Variants in GNA14 observed in about 807,000 individuals in gnomAD.
GNA14 encodes the protein guanine nucleotide-binding protein subunit alpha-14.
Under a neutral mutation model 42.0 loss-of-function variants are expected in GNA14, and 50 were observed. The observed-to-expected ratio is 1.19, with a 90% CI of 0.95 to 1.51. GNA14 has a LOEUF of 1.51. Among genes scored for constraint, GNA14 ranks in the 40% most tolerant of loss-of-function variants. GNA14 has a pLI of 0.00. For synonymous variants in GNA14, 173 were observed against 163.1 expected, an observed-to-expected ratio of 1.06 and a Z score of -0.46; for missense variants, 473 against 446.2, an observed-to-expected ratio of 1.06 and a Z score of -0.54.
At chr9:77,480,204 T>C (rs1191758793) in intron 2 of GNA14, among the ~76,000 whole-genome samples, 1 of 152,186 alleles carries the variant, frequency 6.6e-6, no homozygotes, top group Non-Finnish European at 1.5e-5. Flanking sequence ...AGATAGCTCT[T>C]ATTATTTTGA....
At chr9:77,626,475 G>A (rs577283264) in intron 1 of GNA14, among the ~76,000 whole-genome samples, 5 of 152,074 alleles carry the variant, frequency 3.3e-5, no homozygotes, top group South Asian at 2.1e-4. Flanking sequence ...AAAATTGACC[G>A]CATCATTGGA....
chr9:77,436,007 T>C (rs1410095393), intron 2 of GNA14, among the ~76,000 whole-genome samples: 2 of 152,190 alleles, frequency 1.3e-5, no homozygotes, highest in Non-Finnish European at 2.9e-5. Context: ...GTGTAGACGG[T>C]ACCTCCTGAA....
chr9:77,647,587 G>GC (rs1824378634), intron 1 of GNA14, 83 bp downstream of exon 1: 1 of 1,479,538 alleles, frequency 6.8e-7, no homozygotes, highest in Admixed American at 2.2e-5. Context: ...GGGCTCCAGG[G>GC]CCGCGCGGGT....
chr9:77,532,828 C>T (rs62573381), intron 1 of GNA14, among the ~76,000 whole-genome samples: 4 of 152,036 alleles, frequency 2.6e-5, no homozygotes, highest in African/African-American at 7.2e-5. Context: ...GCAGCCTGAA[C>T]GGCTACACAC....
intron 1 of GNA14, among the ~76,000 whole-genome samples, chr9:77,628,796 C>T (rs12337438): frequency 0.043 from 6,560 of 152,142 alleles, 500 homozygotes; most frequent in African/African-American, 0.15. Context: ...TAGAAGAAAA[C>T]CTAGGCAATA....
intron 1 of GNA14, among the ~76,000 whole-genome samples, chr9:77,568,697 T>C (rs1403796298): frequency 6.6e-6 from 1 of 152,076 alleles, no homozygotes; most frequent in Non-Finnish European, 1.5e-5. Context: ...TGGGCTTTCC[T>C]GGGTGCACAA....
chr9:77,426,526 A>C (rs544164795), intron 5 of GNA14, among the ~76,000 whole-genome samples: 32 of 152,154 alleles, frequency 2.1e-4, no homozygotes, highest in African/African-American at 6.7e-4. Flanking sequence ...GGATGGTCTC[A>C]ATCTCCTGAC....
At chr9:77,512,719 T>C (rs1222025382) in intron 2 of GNA14, among the ~76,000 whole-genome samples, 1 of 152,190 alleles carries the variant, frequency 6.6e-6, no homozygotes, top group Non-Finnish European at 1.5e-5. Flanking sequence ...TCTTTTTATA[T>C]CAATAAACAT....
rs146872184 is a variant in GNA14 at position 77,635,570 on chromosome 9, A to G, written c.124+12100T>C. ...AATTTGTACTATCTGGTAAGGAAAA[A>G]AGAGAGAAAAGTAAATTACCTATAT... On this transcript the variant is annotated intron_variant, in intron 1 of 6. Coordinates refer to ENST00000341700, the MANE Select transcript of GNA14 (RefSeq NM_004297.4). 1.0e-3 allele frequency among the ~76,000 whole-genome samples: 159 copies of G among 152,312 alleles called. 1 individual carries two copies. The highest frequency in any genetic ancestry group is 3.7e-3 in the African/African-American group (155 of 41,558).
At chr9:77,578,668 T>G (rs1464589550) in intron 1 of GNA14, among the ~76,000 whole-genome samples, 2 of 152,200 alleles carry the variant, frequency 1.3e-5, no homozygotes, top group Non-Finnish European at 2.9e-5. Flanking sequence ...TAGCCTTGGT[T>G]TAGAGACTGT....
intron 1 of GNA14, among the ~76,000 whole-genome samples, chr9:77,616,777 C>T (rs753601338): frequency 6.6e-6 from 1 of 152,214 alleles, no homozygotes; most frequent in Non-Finnish European, 1.5e-5. Context: ...CTTGATGAAA[C>T]AATAACTCCA....
intron 2 of GNA14, among the ~76,000 whole-genome samples, chr9:77,463,931 G>C (rs891358557): frequency 1.6e-5 from 2 of 123,670 alleles, no homozygotes; most frequent in Non-Finnish European, 3.0e-5. Flanking sequence ...AGAAAAGAAA[G>C]AGAAATATAT....
intron 2 of GNA14, among the ~76,000 whole-genome samples, chr9:77,485,034 G>A (rs935822900): frequency 2.6e-5 from 4 of 152,260 alleles, no homozygotes; most frequent in South Asian, 4.2e-4. Context: ...GTGATTGTGA[G>A]CAATTTCTTA....
At chr9:77,515,025 A>T (rs1190710887) in intron 2 of GNA14, among the ~76,000 whole-genome samples, 1 of 152,172 alleles carries the variant, frequency 6.6e-6, no homozygotes, top group Non-Finnish European at 1.5e-5. Context: ...GAGGCCTGGG[A>T]GAAGCAGGAA....
intron 1 of GNA14, among the ~76,000 whole-genome samples, chr9:77,613,092 G>A (rs987816107): frequency 6.6e-6 from 1 of 152,190 alleles, no homozygotes; most frequent in Non-Finnish European, 1.5e-5. Context: ...AGAACGTTAT[G>A]CTAAGTGAAA....
chr9:77,611,843 T>A (rs1823739259), intron 1 of GNA14, among the ~76,000 whole-genome samples: 1 of 152,152 alleles, frequency 6.6e-6, no homozygotes, highest in South Asian at 2.1e-4. Flanking sequence ...AAAATACATT[T>A]AGCTTTTGGG....
At chr9:77,510,829 T>G (rs1028892227) in intron 2 of GNA14, among the ~76,000 whole-genome samples, 4 of 152,174 alleles carry the variant, frequency 2.6e-5, no homozygotes, top group Admixed American at 2.0e-4. Context: ...AAAGTTTCCA[T>G]GCAGAGAAAG....
At chr9:77,553,383 A>C (rs530617528) in intron 1 of GNA14, among the ~76,000 whole-genome samples, 237 of 152,278 alleles carry the variant, frequency 1.6e-3, no homozygotes, top group Non-Finnish European at 2.1e-3. Flanking sequence ...ACCACATGGA[A>C]ACAAGATCAG....
At chr9:77,603,470 A>C (rs901329001) in intron 1 of GNA14, among the ~76,000 whole-genome samples, 6 of 152,210 alleles carry the variant, frequency 3.9e-5, no homozygotes, top group Non-Finnish European at 8.8e-5. Flanking sequence ...ATATTTGTGT[A>C]ACAATAGAAA....
Sources: gnomAD v4.1 joint callset for allele counts (sites outside exome capture counted in the v4.1 genomes callset) on GRCh38, gnomAD v4.1.1 for gene constraint, MANE v1.5 for transcripts, NCBI Gene and HGNC (gene_info 2026-07-23, HGNC 2026-07-21) for gene names.